Variants in KTN1 observed in about 807,000 individuals in gnomAD.
KTN1 encodes kinectin.
KTN1 carries 130 observed loss-of-function variants against 222.5 expected under a neutral mutation model. The observed-to-expected ratio is 0.58, with a 90% CI of 0.51 to 0.68. The LOEUF (loss-of-function observed/expected upper bound fraction) is 0.68, where lower values mean the gene tolerates loss of function less well. Among genes scored for constraint, KTN1 ranks in the 30% least tolerant of loss-of-function variants. KTN1 has a pLI of 0.00. For missense variants in KTN1, 1,508 were observed against 1,500.4 expected (o/e 1.01, Z -0.08); for synonymous variants, 512 against 496.3 (o/e 1.03, Z -0.42).
At chr14:55,621,249 A>G (rs904423802) in intron 5 of KTN1, among the ~76,000 whole-genome samples, 9 of 152,100 alleles carry the variant, frequency 5.9e-5, no homozygotes, top group African/African-American at 2.2e-4. Context: ...GTCTCTAGGA[A>G]GTTCTAAACT....
chr14:55,629,608 T>C (rs546513689), intron 6 of KTN1, among the ~76,000 whole-genome samples: 2 of 152,242 alleles, frequency 1.3e-5, no homozygotes, highest in African/African-American at 2.4e-5. Flanking sequence ...CTGGGAATGA[T>C]AGAGAATGAA....
At chr14:55,645,630 G>T (rs2042208555) in intron 18 of KTN1, among the ~76,000 whole-genome samples, 1 of 152,160 alleles carries the variant, frequency 6.6e-6, no homozygotes. Flanking sequence ...GTTTTTCATA[G>T]TATAAACCTG....
intron 19 of KTN1, 141 bp downstream of exon 19, chr14:55,647,148 T>C (rs1171413981): frequency 2.1e-5 from 13 of 615,920 alleles, no homozygotes; most frequent in South Asian, 5.9e-5. Flanking sequence ...CATTACCGTT[T>C]GTGGGTTTCA....
chr14:55,628,104 T>A lies in KTN1; in HGVS notation c.1080+76T>A, dbSNP rs1775227130. 6 of 893,480 alleles carry A rather than the reference T, an allele frequency of 6.7e-6. No individual in the cohort carries two copies. The South Asian group carries it at 7.6e-5, about 11-fold the overall frequency. The allele number at this position is 893,480 out of a possible 1,614,324, so 55.3% of individuals were successfully genotyped here. ...AAAAGATTTTAGAAATTGTCCATAA[T>A]CAGTAGTTTAATTATTTGTAATTTA... On this transcript the variant is annotated intron_variant, in intron 6 of 43. Coordinates refer to ENST00000395314, the MANE Select transcript of KTN1 (RefSeq NM_001079521.2).
intron 32 of KTN1, chr14:55,663,002 C>T: frequency 4.4e-6 from 2 of 455,598 alleles, no homozygotes; most frequent in South Asian, 3.1e-5. Context: ...CAGTGTCAGT[C>T]TTTCCTTCTA....
chr14:55,629,362 G>A (rs1594946203), intron 6 of KTN1, among the ~76,000 whole-genome samples: 1 of 147,516 alleles, frequency 6.8e-6, no homozygotes, highest in East Asian at 2.0e-4. Flanking sequence ...AGCTTGTAGT[G>A]AGCCGAGATC....
intron 25 of KTN1, 29 bp downstream of exon 25, chr14:55,651,956 A>C: frequency 1.4e-6 from 2 of 1,418,692 alleles, no homozygotes; most frequent in Non-Finnish European, 2.0e-6. Flanking sequence ...ATTTCCTTTT[A>C]CTATTTCTTT....
At chr14:55,670,570 A>G (rs2045350401) in intron 34 of KTN1, among the ~76,000 whole-genome samples, 159 bp from the exon 35 acceptor site, 1 of 152,222 alleles carries the variant, frequency 6.6e-6, no homozygotes, top group African/African-American at 2.4e-5. Flanking sequence ...CAACTTATGC[A>G]GTAGTTACAT....
chr14:55,637,065 C>T (rs545918760), intron 10 of KTN1, 133 bp from the exon 11 acceptor site: 361 of 592,694 alleles, frequency 6.1e-4, no homozygotes, highest in Admixed American at 1.3e-3. Context: ...TAGCCTGCTA[C>T]AGGAGCATGC....
rs993663661 is a variant in KTN1, at chr14:55,627,802, T to G, written c.964-110T>G. Reference sequence around the variant, plus strand: ...CTGCAAAGGACATGAACTCATTCTTTTTTATGGCTGCATAGTATTCCATGG... The same window carrying G: ...CTGCAAAGGACATGAACTCATTCTTGTTTATGGCTGCATAGTATTCCATGG... On this transcript the variant is annotated intron_variant, in intron 5 of 43. Coordinates refer to ENST00000395314, the MANE Select transcript of KTN1 (RefSeq NM_001079521.2). 1.2e-5 allele frequency: 8 copies of G among 664,428 alleles called. No individual in the cohort carries two copies. In the East Asian group the frequency reaches 1.6e-4, roughly 14 times the overall value. The allele number at this position is 664,428 out of a possible 1,614,324, so 41.2% of individuals were successfully genotyped here.
chr14:55,629,680 T>C (rs2040293708), intron 6 of KTN1, among the ~76,000 whole-genome samples: 1 of 152,154 alleles, frequency 6.6e-6, no homozygotes, highest in Non-Finnish European at 1.5e-5. Context: ...TATTCTAGGT[T>C]CATAGTCTTT....
At chr14:55,653,906 A>C (rs1217424373) in intron 28 of KTN1, among the ~76,000 whole-genome samples, 3 of 152,180 alleles carry the variant, frequency 2.0e-5, no homozygotes, top group African/African-American at 7.2e-5. Flanking sequence ...TAGAGATTAA[A>C]CTTATTTCAA....
intron 5 of KTN1, among the ~76,000 whole-genome samples, chr14:55,622,961 G>C (rs1057359880): frequency 6.6e-6 from 1 of 152,096 alleles, no homozygotes; most frequent in Admixed American, 6.5e-5. Context: ...AGTCTTCTCT[G>C]GTTCTTCTGT....
At chr14:55,621,337 C>T (rs576026041) in intron 5 of KTN1, among the ~76,000 whole-genome samples, 2 of 152,328 alleles carry the variant, frequency 1.3e-5, no homozygotes, top group Admixed American at 1.3e-4. Flanking sequence ...AAAGTCACAT[C>T]CACATTTTCG....
chr14:55,583,732 A>G (rs1256795838), intron 1 of KTN1, among the ~76,000 whole-genome samples: 1 of 152,164 alleles, frequency 6.6e-6, no homozygotes, highest in Non-Finnish European at 1.5e-5. Flanking sequence ...TCCCATATTT[A>G]TATCTCCAAC....
intron 28 of KTN1, among the ~76,000 whole-genome samples, chr14:55,655,296 A>G (rs1383330812): frequency 6.6e-6 from 1 of 152,134 alleles, no homozygotes; most frequent in Non-Finnish European, 1.5e-5. Flanking sequence ...GCCTTCTTTT[A>G]CTTAGCAATA....
intron 2 of KTN1, among the ~76,000 whole-genome samples, chr14:55,615,411 C>G (rs1478651222): frequency 1.3e-5 from 2 of 151,478 alleles, no homozygotes; most frequent in Non-Finnish European, 2.9e-5. Flanking sequence ...TGACAATTAC[C>G]CTTCTACTTT....
chr14:55,653,603 A>G lies in KTN1; in HGVS notation c.2801+7A>G, dbSNP rs754102442. 3.1e-6 allele frequency: 5 copies of G among 1,602,296 alleles called. No individual in the cohort carries two copies. Among genetic ancestry groups the G allele is most frequent in the Non-Finnish European group, 4.3e-6 (5 of 1,169,938 alleles). On this transcript the variant is annotated splice_region_variant and intron_variant, in intron 28 of 43. Coordinates refer to ENST00000395314, the MANE Select transcript of KTN1 (RefSeq NM_001079521.2). ...TTGAAGAACTTGAGATTGTGTAAGTATGCTTTAAGACCACATTTTGAAGAG... is the reference window on the plus strand; with the variant it reads ...TTGAAGAACTTGAGATTGTGTAAGTGTGCTTTAAGACCACATTTTGAAGAG...
rs966194238 is a variant in KTN1, at chr14:55,615,736, G to C, written c.524-781G>C. ...TAAGAGTATTTTGTCAATATGTAAG[G>C]AAATGGATGTGGGATGCTGGGAATT... On this transcript the variant is annotated intron_variant, in intron 2 of 43. Coordinates refer to ENST00000395314, the MANE Select transcript of KTN1 (RefSeq NM_001079521.2). Among the ~76,000 whole-genome samples, 79 of 152,088 alleles carry C rather than the reference G, an allele frequency of 5.2e-4. 1 individual carries two copies. The highest frequency in any genetic ancestry group is 5.1e-3 in the Admixed American group (78 of 15,270).
Sources: allele counts gnomAD v4.1 joint callset (sites outside exome capture counted in the v4.1 genomes callset), GRCh38; gene constraint gnomAD v4.1.1; transcripts MANE v1.5; gene names NCBI Gene and HGNC (gene_info 2026-07-23, HGNC 2026-07-21).